Variants in KIF26B observed in about 807,000 individuals in gnomAD.
KIF26B encodes kinesin family member 26B, also known as kinesin-like protein KIF26B.
In KIF26B, 63 loss-of-function variants were observed where a neutral mutation model predicts 151.2. The observed-to-expected ratio is 0.42, with a 90% CI of 0.34 to 0.51. The LOEUF is 0.51. Among genes scored for constraint, KIF26B ranks in the 20% least tolerant of loss-of-function variants. The pLI, the probability that KIF26B is intolerant of heterozygous loss-of-function variation, is 0.07. For synonymous variants in KIF26B, 1,357 were observed against 1,262.1 expected (o/e 1.08, Z -1.59); for missense variants, 2,813 against 2,913.6 (o/e 0.97, Z 0.79).
intron 5 of KIF26B, among the ~76,000 whole-genome samples, chr1:245,556,539 A>G (rs1662043848): frequency 6.6e-6 from 1 of 152,138 alleles, no homozygotes; most frequent in African/African-American, 2.4e-5. Flanking sequence ...AGCTGGGACT[A>G]CCAGCATGCA....
At chr1:245,600,188 G>A (rs1392804615) in intron 5 of KIF26B, among the ~76,000 whole-genome samples, 2 of 118,282 alleles carry the variant, frequency 1.7e-5, no homozygotes, top group East Asian at 2.5e-4. Context: ...ACAGGCGCCC[G>A]CCACCATGCC....
chr1:245,698,867 CCTCT>C lies in KIF26B; in HGVS notation c.6028-17_6028-14del, dbSNP rs1263007275. 1.2e-6 allele frequency: 2 copies of C among 1,609,260 alleles called. No homozygotes were observed. The highest frequency in any genetic ancestry group is 1.7e-6 in the Non-Finnish European group (2 of 1,176,668). On this transcript the variant is annotated splice_polypyrimidine_tract_variant and intron_variant, in intron 13 of 14. Transcript: ENST00000407071. The surrounding 1 kb of genome is among the most constrained non-coding windows in gnomAD (Gnocchi z 4.0). ...GGGTGTGAGCAGAAGGGCCCTTTCT[CCTCT>C]CTGTCTGTGTGCTAGGAGGCCATGT...
In KIF26B at chr1:245,688,779, C is replaced by A; in HGVS notation, c.5796C>A (p.Leu1932=). ...SSSVGGRCRS[L]KTPKKRSNPG... is the part of the protein sequence containing the mutation. ...CCGTGGGCGGCAGGTGCCGGAGCCTCAAGACCCCGAAGAAACGCTCCAATC... is the reference window on the plus strand; with the variant it reads ...CCGTGGGCGGCAGGTGCCGGAGCCTAAAGACCCCGAAGAAACGCTCCAATC... The change falls in exon 12 of 15, where the codon CTC becomes CTA. Residue 1932 remains leucine, a synonymous_variant. Coordinates refer to ENST00000407071, the MANE Select transcript of KIF26B (RefSeq NM_018012.4). The A allele has an allele frequency of 6.3e-7, 1 of 1,593,684 alleles. No homozygotes were observed. Among genetic ancestry groups the A allele is most frequent in the South Asian group, 1.1e-5 (1 of 89,342 alleles).
chr1:245,155,449 G>A lies in KIF26B; in HGVS notation c.25G>A (p.Glu9Lys), dbSNP rs1356304879. The change falls in exon 1 of 15, where the codon GAG (glutamate) becomes AAG (lysine). Residue 9 changes from glutamate (E) to lysine (K), a missense_variant. This residue lies in a region of KIF26B where 676 missense variants were observed against 688.1 expected (regional missense o/e 0.98). Coordinates refer to ENST00000407071, the MANE Select transcript of KIF26B (RefSeq NM_018012.4). MNSVAGNK[E>K]RLAVSTRGKK... ...CATGAATTCGGTAGCTGGGAATAAA[G>A]AGAGGCTTGCGGTCTCCACCAGGGG... 1 of 1,612,422 alleles carries A rather than the reference G, an allele frequency of 6.2e-7. No homozygotes were observed. Among genetic ancestry groups the A allele is most frequent in the South Asian group, 1.1e-5 (1 of 90,622 alleles).
At chr1:245,621,121 G>A (rs2043654170) in intron 9 of KIF26B, among the ~76,000 whole-genome samples, 1 of 152,202 alleles carries the variant, frequency 6.6e-6, no homozygotes, top group Non-Finnish European at 1.5e-5. Context: ...AAATTAGAAA[G>A]GCTGGGAGTG....
chr1:245,366,117 C>G (rs1201409829), intron 2 of KIF26B, among the ~76,000 whole-genome samples: 4 of 152,182 alleles, frequency 2.6e-5, no homozygotes, highest in African/African-American at 9.7e-5. Context: ...GCCAAGGGAC[C>G]TCAGTGCAGT....
chr1:245,489,359 G>A (rs1572088639), intron 4 of KIF26B, among the ~76,000 whole-genome samples: 1 of 152,310 alleles, frequency 6.6e-6, no homozygotes, highest in South Asian at 2.1e-4. Flanking sequence ...ATGTAGGAAC[G>A]ATATTTGTAC....
chr1:245,355,650 G>A (rs987776947), intron 2 of KIF26B, among the ~76,000 whole-genome samples: 3 of 151,862 alleles, frequency 2.0e-5, no homozygotes, highest in East Asian at 1.9e-4. Context: ...ACTTACCAGC[G>A]GTCAAGAACC....
At chr1:245,205,678 T>G (rs1235080992) in intron 2 of KIF26B, among the ~76,000 whole-genome samples, 3 of 151,674 alleles carry the variant, frequency 2.0e-5, no homozygotes, top group Non-Finnish European at 4.4e-5. Flanking sequence ...CAGAACAGTT[T>G]CCTGAGGAAC....
chr1:245,565,609 T>A (rs139126660), intron 5 of KIF26B, among the ~76,000 whole-genome samples: 2 of 152,160 alleles, frequency 1.3e-5, no homozygotes, highest in African/African-American at 4.8e-5. Flanking sequence ...TTCTTGCCGG[T>A]CATTTGTACA....
intron 9 of KIF26B, among the ~76,000 whole-genome samples, chr1:245,641,918 T>G (rs539220417): frequency 3.3e-5 from 5 of 152,358 alleles, no homozygotes; most frequent in Non-Finnish European, 7.3e-5. Context: ...TATTTTAGTC[T>G]TCCTAGTCTG....
intron 4 of KIF26B, among the ~76,000 whole-genome samples, chr1:245,514,192 G>A (rs1266493893): frequency 6.6e-6 from 1 of 152,202 alleles, no homozygotes; most frequent in South Asian, 2.1e-4. Flanking sequence ...ACAATGTGTT[G>A]TACATGATAA....
chr1:245,585,570 TA>T (rs2043216711), intron 5 of KIF26B, among the ~76,000 whole-genome samples: 1 of 152,116 alleles, frequency 6.6e-6, no homozygotes, highest in Admixed American at 6.5e-5. Flanking sequence ...GGCAGCTCCC[TA>T]GCTACCTCCA....
intron 9 of KIF26B, among the ~76,000 whole-genome samples, chr1:245,638,809 C>G (rs1020499689): frequency 5.3e-5 from 8 of 151,900 alleles, no homozygotes; most frequent in Non-Finnish European, 1.0e-4. Flanking sequence ...ATATGTTGAA[C>G]TATCCTTGCA....
chr1:245,213,197 AG>A (rs1360410928), intron 2 of KIF26B, among the ~76,000 whole-genome samples: 1 of 152,188 alleles, frequency 6.6e-6, no homozygotes, highest in Non-Finnish European at 1.5e-5. Context: ...CTAGGCCCTA[AG>A]GGGGCTTGGT....
At position 245,419,753 on chromosome 1, in the gene KIF26B, A is replaced by T. The variant is rs1213299587; in HGVS notation, c.1166+8A>T. On this transcript the variant is annotated splice_region_variant and intron_variant, in intron 4 of 14. Transcript: ENST00000407071. ...CGCCTCCTTCTTTGCACGGTAAGAGAGCTGTTCAGATCCTTGGTTCTTTCC... is the reference window on the plus strand; with the variant it reads ...CGCCTCCTTCTTTGCACGGTAAGAGTGCTGTTCAGATCCTTGGTTCTTTCC... 33 of 1,606,422 alleles carry T rather than the reference A, an allele frequency of 2.1e-5. No individual in the cohort carries two copies. The highest frequency in any genetic ancestry group is 2.6e-5 in the Non-Finnish European group (31 of 1,176,122).
intron 3 of KIF26B, among the ~76,000 whole-genome samples, chr1:245,402,941 G>C (rs539580251): frequency 2.6e-5 from 4 of 152,252 alleles, no homozygotes; most frequent in African/African-American, 9.6e-5. Context: ...GTCTGTACTG[G>C]AGTGAATTCT....
intron 9 of KIF26B, among the ~76,000 whole-genome samples, chr1:245,639,471 T>C (rs2043865778): frequency 6.6e-6 from 1 of 151,916 alleles, no homozygotes. Flanking sequence ...ATTTCATTTA[T>C]TTCTGCTCCA....
chr1:245,581,192 A>G (rs571758304), intron 5 of KIF26B, among the ~76,000 whole-genome samples: 1 of 152,310 alleles, frequency 6.6e-6, no homozygotes, highest in East Asian at 1.9e-4. Context: ...CCTTTGAGTA[A>G]CATTTAAACA....
Sources: allele counts gnomAD v4.1 joint callset (sites outside exome capture counted in the v4.1 genomes callset), GRCh38; gene constraint gnomAD v4.1.1; regional missense constraint gnomAD v4.1.1; non-coding constraint Gnocchi (gnomAD v3.1); transcripts MANE v1.5; gene names NCBI Gene and HGNC (gene_info 2026-07-23, HGNC 2026-07-21).